The following TDP1 variants were observed in gnomAD, a reference collection of about 807,000 sequenced individuals.
The protein encoded by TDP1 is tyrosyl-DNA phosphodiesterase 1.
TDP1 carries 64 observed loss-of-function variants against 81.5 expected under a neutral mutation model. The ratio of observed to expected loss-of-function variants is 0.79; its 90% CI spans 0.64 to 0.97. TDP1 has a LOEUF of 0.97. Ranked by LOEUF, TDP1 falls within the 50% of genes least tolerant of loss-of-function variation. The pLI, the probability that TDP1 is intolerant of heterozygous loss-of-function variation, is 0.00. For synonymous variants in TDP1, 256 were observed against 264.3 expected (o/e 0.97, Z 0.30); for missense variants, 723 against 743.8 (o/e 0.97, Z 0.33).
At chr14:89,982,862 GT>G (rs1331243864) in intron 8 of TDP1, among the ~76,000 whole-genome samples, 2 of 152,092 alleles carry the variant, frequency 1.3e-5, no homozygotes, top group Non-Finnish European at 2.9e-5. Context: ...TTTGAAAGCA[GT>G]TTTTGTATAC....
chr14:89,961,761 T>C (rs896648045), intron 2 of TDP1, among the ~76,000 whole-genome samples: 2 of 152,236 alleles, frequency 1.3e-5, no homozygotes, highest in Non-Finnish European at 2.9e-5. Context: ...AATCTTTTGA[T>C]GTAGAATAAT....
chr14:89,998,108 A>C (rs1896794657), intron 14 of TDP1, among the ~76,000 whole-genome samples: 1 of 152,024 alleles, frequency 6.6e-6, no homozygotes, highest in Middle Eastern at 3.4e-3. Flanking sequence ...TAGAAAGATA[A>C]TATGGTACCT....
intron 14 of TDP1, among the ~76,000 whole-genome samples, chr14:90,008,282 G>A (rs147944698): frequency 5.5e-4 from 83 of 152,280 alleles, no homozygotes; most frequent in African/African-American, 1.9e-3. Context: ...TTGCCTCTGA[G>A]TTGCATTCTA....
At chr14:90,001,781 T>C (rs1335829702) in intron 14 of TDP1, among the ~76,000 whole-genome samples, 1 of 152,204 alleles carries the variant, frequency 6.6e-6, no homozygotes, top group East Asian at 1.9e-4. Context: ...GCAGGCATAA[T>C]TATTTTTTCC....
Position 89,963,070 on chromosome 14 carries a change from G to A in TDP1, c.-7-38G>A. The A allele has an allele frequency of 1.9e-6, 3 of 1,613,962 alleles. No individual in the cohort carries two copies. In the Admixed American group the frequency reaches 5.0e-5, roughly 27 times the overall value. On this transcript the variant is annotated intron_variant, in intron 2 of 16. Transcript: ENST00000335725. ...AAAGTTATTTTGCCAATGCCCTGATGAATGGGAAATGCTGATGTTTCCACT... is the reference window on the plus strand; with the variant it reads ...AAAGTTATTTTGCCAATGCCCTGATAAATGGGAAATGCTGATGTTTCCACT...
At chr14:90,009,383 C>A (rs368734099) in intron 14 of TDP1, among the ~76,000 whole-genome samples, 3 of 152,290 alleles carry the variant, frequency 2.0e-5, no homozygotes, top group African/African-American at 7.2e-5. Flanking sequence ...CAAAGTGTAG[C>A]AGAAAACAAG....
chr14:90,020,701 TG>T (rs1446791028), intron 15 of TDP1, among the ~76,000 whole-genome samples: 1 of 133,680 alleles, frequency 7.5e-6, no homozygotes, highest in Non-Finnish European at 1.6e-5. Flanking sequence ...CAAACACACA[TG>T]ACAAAGCTCC....
At chr14:89,955,776 G>C (rs889005458), upstream of TDP1, 3 of 152,182 alleles carry the variant, frequency 2.0e-5, no homozygotes, top group African/African-American at 7.3e-5. Flanking sequence ...CAAGAGCTAG[G>C]AGAGACCAGG....
At chr14:90,040,834 G>A (rs1566935746) in intron 16 of TDP1, among the ~76,000 whole-genome samples, 1 of 152,202 alleles carries the variant, frequency 6.6e-6, no homozygotes, top group African/African-American at 2.4e-5. Context: ...CCTCCAGGTA[G>A]TGATGGGCTT....
intron 14 of TDP1, among the ~76,000 whole-genome samples, chr14:89,997,172 C>T (rs1220608445): frequency 6.6e-6 from 1 of 152,124 alleles, no homozygotes; most frequent in Non-Finnish European, 1.5e-5. Context: ...AGCGTTCTTT[C>T]CCTATTCACT....
At chr14:90,024,074 C>T (rs1886383125) in intron 15 of TDP1, among the ~76,000 whole-genome samples, 2 of 152,220 alleles carry the variant, frequency 1.3e-5, no homozygotes, top group African/African-American at 2.4e-5. Flanking sequence ...TGCTACTCCT[C>T]AGTCCACTGT....
Position 90,044,306 on chromosome 14 carries a change from A to T in TDP1, c.*1163A>T, listed in dbSNP as rs1162810417. The T allele has an allele frequency of 6.6e-6, 1 of 152,260 alleles. No individual in the cohort carries two copies. 9.4% of individuals were successfully genotyped at this position (152,260 alleles called of 1,614,324 possible). A position where few individuals can be genotyped will look rare whatever the true frequency, so the allele number is the denominator to read the frequency against. ...TTCACAAGTGAGGAAGCTAAGGCCT[A>T]GAAGGTTAAGGATGTCCCCAGGGTC... On this transcript the variant is annotated 3_prime_UTR_variant, in exon 17 of 17. Coordinates refer to ENST00000335725, the MANE Select transcript of TDP1 (RefSeq NM_018319.4).
At chr14:89,997,812 T>TTA (rs139315980) in intron 14 of TDP1, among the ~76,000 whole-genome samples, 3 of 152,118 alleles carry the variant, frequency 2.0e-5, no homozygotes, top group Non-Finnish European at 4.4e-5. Context: ...GAAAAATGTT[T>TTA]TATATATATA....
At chr14:89,955,110 A>G, upstream of TDP1, 1 of 150,520 alleles carries the variant, frequency 6.6e-6, no homozygotes, top group South Asian at 1.5e-4. Context: ...GTGAACAAAC[A>G]AGAAGAACCA....
At chr14:90,006,394 T>C (rs185804561) in intron 14 of TDP1, among the ~76,000 whole-genome samples, 69 of 152,244 alleles carry the variant, frequency 4.5e-4, no homozygotes, top group Admixed American at 1.6e-3. Flanking sequence ...TCTGCAGAAT[T>C]TTGAGATAGG....
chr14:90,010,547 G>C (rs936646523), intron 14 of TDP1, among the ~76,000 whole-genome samples: 4 of 152,182 alleles, frequency 2.6e-5, no homozygotes, highest in African/African-American at 9.6e-5. Context: ...TAATCACAAA[G>C]ATACTTAAAA....
rs537137271 is a variant in TDP1, at chr14:89,969,427, A to G, written c.660-1748A>G. Among the ~76,000 whole-genome samples the G allele has an allele frequency of 7.2e-5, 11 of 152,348 alleles. No homozygotes were observed. In the East Asian group the frequency reaches 1.9e-3, roughly 27 times the overall value. Reference sequence around the variant, plus strand: ...AGATCATAAGGATTTATACCTCAGTATGCTATTGTTCAGGTGCCATCTTTT... The same window carrying G: ...AGATCATAAGGATTTATACCTCAGTGTGCTATTGTTCAGGTGCCATCTTTT... On this transcript the variant is annotated intron_variant, in intron 5 of 16. Coordinates refer to ENST00000335725, the MANE Select transcript of TDP1 (RefSeq NM_018319.4).
chr14:89,964,767 TAATAA>T (rs753469895), intron 3 of TDP1: 9 of 368,700 alleles, frequency 2.4e-5, no homozygotes, highest in Admixed American at 7.8e-5. Flanking sequence ...TTGCTCTATA[TAATAA>T]AATAACCGGC....
At chr14:90,041,107 T>C (rs1157168879) in intron 16 of TDP1, among the ~76,000 whole-genome samples, 3 of 152,186 alleles carry the variant, frequency 2.0e-5, no homozygotes, top group Non-Finnish European at 4.4e-5. Context: ...ATAGCAAGAA[T>C]TGGGTGTCAT....
Sources: allele counts gnomAD v4.1 joint callset (sites outside exome capture counted in the v4.1 genomes callset), GRCh38; gene constraint gnomAD v4.1.1; transcripts MANE v1.5; gene names NCBI Gene and HGNC (gene_info 2026-07-23, HGNC 2026-07-21).